Variants in CPXM2 observed in about 807,000 individuals in gnomAD.
The protein encoded by CPXM2 is carboxypeptidase X, M14 family member 2.
CPXM2 carries 66 observed loss-of-function variants against 86.1 expected under a neutral mutation model. That is an observed-to-expected ratio of 0.77 (90% CI 0.63 to 0.94). The LOEUF (loss-of-function observed/expected upper bound fraction) is 0.94, where lower values mean the gene tolerates loss of function less well. Among genes scored for constraint, CPXM2 ranks in the 40% least tolerant of loss-of-function variants. The pLI, the probability that CPXM2 is intolerant of heterozygous loss-of-function variation, is 0.00. For missense variants in CPXM2, 948 were observed against 1,026.3 expected (o/e 0.92, Z 1.04); for synonymous variants, 388 against 400.2 (o/e 0.97, Z 0.36).
chr10:123,923,257 T>C (rs1945591465), intron 2 of CPXM2, among the ~76,000 whole-genome samples: 1 of 152,178 alleles, frequency 6.6e-6, no homozygotes, highest in South Asian at 2.1e-4. Flanking sequence ...GCAACTGTAA[T>C]GTGTGTGCAT....
At chr10:123,751,143 G>A in intron 13 of CPXM2, 1 of 809,448 alleles carries the variant, frequency 1.2e-6, no homozygotes, top group Non-Finnish European at 1.5e-6. Flanking sequence ...TATTTTGCCT[G>A]AGCGTGTGGC....
intron 4 of CPXM2, among the ~76,000 whole-genome samples, chr10:123,824,088 T>C (rs1185310490): frequency 6.6e-6 from 1 of 152,234 alleles, no homozygotes; most frequent in African/African-American, 2.4e-5. Context: ...CTGTTACACA[T>C]TCAGAGCAGG....
At chr10:123,757,175 C>T (rs1403155543) in intron 12 of CPXM2, 38 bp downstream of exon 12, 4 of 1,598,964 alleles carry the variant, frequency 2.5e-6, no homozygotes, top group Non-Finnish European at 2.6e-6. Flanking sequence ...CATCCCCCAG[C>T]TAGTCCCCCT....
chr10:123,929,566 G>A lies in CPXM2; in HGVS notation n.174+9911C>T, dbSNP rs117781750. Among the ~76,000 whole-genome samples the A allele has an allele frequency of 4.0e-3, 613 of 152,258 alleles. 3 individuals are homozygous for A. The highest frequency in any genetic ancestry group is 5.9e-3 in the Non-Finnish European group (404 of 68,016). ...GAAACCTCATTTTCTCCCTGCCCTC[G>A]CTGTTTCACTTCCTTTTGGATCCCA... On this transcript the variant is annotated intron_variant and non_coding_transcript_variant, in intron 2 of 19. Coordinates refer to the CPXM2 transcript ENST00000368854.
At chr10:123,855,629 T>G (rs1848705492) in intron 3 of CPXM2, among the ~76,000 whole-genome samples, 1 of 152,184 alleles carries the variant, frequency 6.6e-6, no homozygotes, top group African/African-American at 2.4e-5. Flanking sequence ...GAACATGAGC[T>G]GTGACACAGG....
intron 2 of CPXM2, among the ~76,000 whole-genome samples, chr10:123,936,019 C>T (rs1003125678): frequency 3.9e-3 from 1 of 256 alleles, no homozygotes; most frequent in Admixed American, 0.05. Flanking sequence ...ACCATCATCA[C>T]CACCACCAAC....
At chr10:123,925,462 G>A (rs9794355) in intron 2 of CPXM2, among the ~76,000 whole-genome samples, 8,342 of 152,272 alleles carry the variant, frequency 0.055, 582 homozygotes, top group East Asian at 0.34. Context: ...TTAGTGTACC[G>A]GGAGAGATAG....
intron 11 of CPXM2, 113 bp downstream of exon 11, chr10:123,761,759 G>A (rs1846343826): frequency 9.7e-7 from 1 of 1,036,036 alleles, no homozygotes. Flanking sequence ...GCTCCACCGT[G>A]GCAGCCACCA....
upstream of CPXM2, among the ~76,000 whole-genome samples, chr10:123,940,483 T>C (rs72831973): frequency 0.14 from 21,514 of 152,160 alleles, 1,842 homozygotes; most frequent in East Asian, 0.3. Flanking sequence ...CGCCCAAGCC[T>C]GGGAATCACT....
chr10:123,940,865 C>T (rs1409293042), upstream of CPXM2, among the ~76,000 whole-genome samples: 1 of 152,176 alleles, frequency 6.6e-6, no homozygotes, highest in Non-Finnish European at 1.5e-5. Context: ...GTGCCACAAA[C>T]AGGTGGCTTA....
chr10:123,807,418 A>C (rs17106073), intron 4 of CPXM2, among the ~76,000 whole-genome samples: 141 of 152,330 alleles, frequency 9.3e-4, no homozygotes, highest in Non-Finnish European at 1.8e-3. Context: ...TTGTGTCTTA[A>C]AGCTCTACCT....
intron 2 of CPXM2, among the ~76,000 whole-genome samples, chr10:123,926,134 G>A (rs989774434): frequency 5.3e-5 from 8 of 152,236 alleles, no homozygotes; most frequent in Non-Finnish European, 1.2e-4. Flanking sequence ...CAAAGCATCT[G>A]TGCCATGTCT....
chr10:123,858,072 C>T (rs918634965), intron 3 of CPXM2, among the ~76,000 whole-genome samples: 4 of 152,270 alleles, frequency 2.6e-5, no homozygotes, highest in Admixed American at 1.3e-4. Context: ...CTCGGCCCCA[C>T]AGACCATTCA....
At chr10:123,880,145 T>TTGGGGCCCCCCCCCCCC in intron 2 of CPXM2, 66 bp downstream of exon 2, 1 of 407,578 alleles carries the variant, frequency 2.5e-6, no homozygotes, top group Non-Finnish European at 4.8e-6. Flanking sequence ...CAGGGGCCTG[T>TTGGGGCCCCCCCCCCCC]ACCCACCCAC....
intron 4 of CPXM2, among the ~76,000 whole-genome samples, chr10:123,819,859 CAT>C (rs919701919): frequency 1.3e-5 from 2 of 152,138 alleles, no homozygotes; most frequent in Admixed American, 6.5e-5. Context: ...TGATCCTGGG[CAT>C]GTCTGTGAGG....
intron 2 of CPXM2, among the ~76,000 whole-genome samples, chr10:123,932,789 C>T (rs574333327): frequency 3.7e-4 from 57 of 152,212 alleles, no homozygotes; most frequent in South Asian, 1.9e-3. Flanking sequence ...AGTTTCTCGG[C>T]GTGGCAGATA....
At chr10:123,825,904 C>T (rs1170427935) in intron 4 of CPXM2, among the ~76,000 whole-genome samples, 1 of 152,040 alleles carries the variant, frequency 6.6e-6, no homozygotes, top group East Asian at 1.9e-4. Context: ...ACCACAGAAA[C>T]AGCTCTTCTG....
chr10:123,859,579 G>A (rs998919566), intron 3 of CPXM2, among the ~76,000 whole-genome samples: 2 of 152,274 alleles, frequency 1.3e-5, no homozygotes, highest in African/African-American at 4.8e-5. Context: ...AGAGCCAGAG[G>A]CTGGGGATGG....
intron 2 of CPXM2, among the ~76,000 whole-genome samples, chr10:123,898,920 A>AT (rs1945360017): frequency 6.6e-6 from 1 of 151,630 alleles, no homozygotes; most frequent in Admixed American, 6.6e-5. Context: ...AAGTTTTTGT[A>AT]TTTTTTCATA....
Sources: allele counts gnomAD v4.1 joint callset (sites outside exome capture counted in the v4.1 genomes callset), GRCh38; gene constraint gnomAD v4.1.1; transcripts MANE v1.5; gene names NCBI Gene and HGNC (gene_info 2026-07-23, HGNC 2026-07-21).